ART3: variants seen among roughly 807,000 people sequenced by gnomAD.
The protein encoded by ART3 is ecto-ADP-ribosyltransferase 3.
In ART3, 49 loss-of-function variants were observed where a neutral mutation model predicts 48.5. The observed-to-expected ratio is 1.01, with a 90% CI of 0.80 to 1.28. ART3 has a LOEUF of 1.28. Ranked by LOEUF, ART3 falls within the 50% of genes most tolerant of loss-of-function variation. The pLI, the probability that ART3 is intolerant of heterozygous loss-of-function variation, is 0.00. For missense variants in ART3, 438 were observed against 454.3 expected, an observed-to-expected ratio of 0.96 and a Z score of 0.33; for synonymous variants, 145 against 157.2, an observed-to-expected ratio of 0.92 and a Z score of 0.58.
intron 1 of ART3, chr4:76,035,871 C>T: frequency 2.8e-6 from 4 of 1,452,516 alleles, no homozygotes; most frequent in Non-Finnish European, 3.8e-6. Context: ...GAAGAAAAGA[C>T]ATTTGAAACA....
At chr4:76,049,712 G>A (rs61300528) in intron 1 of ART3, among the ~76,000 whole-genome samples, 19,303 of 151,860 alleles carry the variant, frequency 0.13, 1,826 homozygotes, top group East Asian at 0.39. Flanking sequence ...CTTGGCGATA[G>A]GCGATTGTCT....
chr4:76,101,709 G>A (rs917137696), intron 8 of ART3, among the ~76,000 whole-genome samples: 7 of 152,050 alleles, frequency 4.6e-5, no homozygotes, highest in Admixed American at 1.3e-4. Context: ...CCGAGATCGC[G>A]CCACTGCACT....
At chr4:76,111,838 C>G (rs1478530384) in intron 11 of ART3, 1 of 152,276 alleles carries the variant, frequency 6.6e-6, no homozygotes, top group East Asian at 1.9e-4. Flanking sequence ...CCACGCCCAG[C>G]CAAAATACAG....
At chr4:76,110,635 G>A (rs1469757615) in intron 11 of ART3, among the ~76,000 whole-genome samples, 1 of 152,128 alleles carries the variant, frequency 6.6e-6, no homozygotes, top group Non-Finnish European at 1.5e-5. Flanking sequence ...TGGCTATATA[G>A]AAATGTAAAA....
rs187762193 is a variant in ART3, at chr4:76,109,793, A to T, written c.1036+2000A>T. 2.6e-5 allele frequency among the ~76,000 whole-genome samples: 4 copies of T among 152,314 alleles called. No homozygotes were observed. The East Asian group carries it at 7.7e-4, about 29-fold the overall frequency. ...CATTATGCATTGCACGACTGTACTAATGCATGTGTGCATCTGCCTATCCAC... is the reference window on the plus strand; with the variant it reads ...CATTATGCATTGCACGACTGTACTATTGCATGTGTGCATCTGCCTATCCAC... On this transcript the variant is annotated intron_variant, in intron 11 of 11. Transcript: ENST00000355810.
upstream of ART3, among the ~76,000 whole-genome samples, chr4:76,073,835 A>G (rs995234621): frequency 1.3e-5 from 2 of 152,120 alleles, no homozygotes; most frequent in Non-Finnish European, 2.9e-5. Context: ...TTTACTCAAA[A>G]TTTTGTTTGT....
At chr4:76,022,492 G>A (rs188708798) in intron 1 of ART3, 1,023 of 1,583,170 alleles carry the variant, frequency 6.5e-4, no homozygotes, top group Admixed American at 8.2e-4. Flanking sequence ...ATTTAAAACT[G>A]TGTTGGGTCA....
At chr4:76,096,114 G>A (rs554318072) in intron 3 of ART3, among the ~76,000 whole-genome samples, 57 of 152,188 alleles carry the variant, frequency 3.7e-4, no homozygotes, top group African/African-American at 1.3e-3. Context: ...GTGGAGACGG[G>A]GTTTCACCAT....
At chr4:76,024,877 G>A (rs1015863038) in intron 1 of ART3, among the ~76,000 whole-genome samples, 8 of 152,212 alleles carry the variant, frequency 5.3e-5, no homozygotes, top group African/African-American at 1.4e-4. Flanking sequence ...CCTGGTATCA[G>A]GGGCCAAGAA....
intron 1 of ART3, among the ~76,000 whole-genome samples, chr4:76,054,833 A>T (rs948268179): frequency 6.6e-6 from 1 of 152,218 alleles, no homozygotes; most frequent in Admixed American, 6.5e-5. Flanking sequence ...ACCCTGTCTC[A>T]AAATAAATAA....
intron 3 of ART3, 73 bp from the exon 4 acceptor site, chr4:76,097,571 A>C: frequency 7.8e-7 from 1 of 1,274,604 alleles, no homozygotes; most frequent in Non-Finnish European, 1.1e-6. Flanking sequence ...GGTTACCAAC[A>C]GCCATAGATT....
intron 1 of ART3, among the ~76,000 whole-genome samples, chr4:76,053,827 G>A (rs1441140657): frequency 6.6e-6 from 1 of 152,136 alleles, no homozygotes; most frequent in Non-Finnish European, 1.5e-5. Context: ...GGAACAGTGG[G>A]TTGTACAAAA....
At chr4:76,108,891 G>C (rs576788044) in intron 11 of ART3, among the ~76,000 whole-genome samples, 2 of 152,248 alleles carry the variant, frequency 1.3e-5, no homozygotes, top group Admixed American at 1.3e-4. Context: ...ACATAGAAAA[G>C]TTATGGTAAA....
rs767578334 is a variant in ART3, at chr4:76,112,438, G to T, written c.1089G>T (p.Ser363=). 1 of 1,613,816 alleles carries T rather than the reference G, an allele frequency of 6.2e-7. No individual in the cohort carries two copies. Among genetic ancestry groups the T allele is most frequent in the Non-Finnish European group, 8.5e-7 (1 of 1,179,918 alleles). The change falls in exon 12 of 12, where the codon TCG becomes TCT. Residue 363 remains serine, a synonymous_variant. Coordinates refer to ENST00000355810, the MANE Select transcript of ART3 (RefSeq NM_001130016.3). ...CCAAAAGCCATCCTTCTGCATCCTC[G>T]GGCAAACTGCTGCTTCCACAGTTTG... ...PGPKSHPSAS[S]GKLLLPQFGM... is the part of the protein sequence containing the mutation.
intron 3 of ART3, among the ~76,000 whole-genome samples, chr4:76,092,223 C>A (rs1725060558): frequency 6.6e-6 from 1 of 152,074 alleles, no homozygotes; most frequent in Non-Finnish European, 1.5e-5. Context: ...TATACTTTTC[C>A]AACTCATGAA....
At position 76,033,452 on chromosome 4, in the gene ART3, C is replaced by G. The variant is rs1734058430; in HGVS notation, c.-10+22132C>G. On this transcript the variant is annotated intron_variant, in intron 1 of 9. Transcript: ENST00000341029. ...GGAGAGGATCTCCTGTCTTTGGCTT[C>G]TCTCTTTTGGCCTCCCACCAACACT... Among the ~76,000 whole-genome samples the G allele has an allele frequency of 2.0e-5, 3 of 152,154 alleles. 1 individual carries two copies. The highest frequency in any genetic ancestry group is 1.3e-4 in the Admixed American group (2 of 15,270).
intron 1 of ART3, among the ~76,000 whole-genome samples, chr4:76,025,046 C>T (rs543181458): frequency 6.6e-6 from 1 of 152,102 alleles, no homozygotes. Context: ...TAGAGCTAAG[C>T]TTTCAAGTGA....
intron 1 of ART3, among the ~76,000 whole-genome samples, chr4:76,042,589 C>T (rs752305639): frequency 4.6e-5 from 7 of 151,910 alleles, no homozygotes; most frequent in Non-Finnish European, 8.8e-5. Context: ...AGCCACGGAC[C>T]CTCGCGGTGA....
chr4:76,090,860 G>A (rs1420132225), intron 3 of ART3, among the ~76,000 whole-genome samples: 2 of 152,162 alleles, frequency 1.3e-5, no homozygotes, highest in African/African-American at 4.8e-5. Context: ...TTTTACATTT[G>A]TTGCTTACAA....
Sources: allele counts gnomAD v4.1 joint callset (sites outside exome capture counted in the v4.1 genomes callset), GRCh38; gene constraint gnomAD v4.1.1; transcripts MANE v1.5; gene names NCBI Gene and HGNC (gene_info 2026-07-23, HGNC 2026-07-21).